Variants in UBN2 observed in about 807,000 individuals in gnomAD.
The protein encoded by UBN2 is ubinuclein 2.
In UBN2, 35 loss-of-function variants were observed where a neutral mutation model predicts 120.2. The ratio of observed to expected loss-of-function variants is 0.29; its 90% CI spans 0.22 to 0.39. UBN2 has a LOEUF of 0.39. UBN2 is among the 10% of genes least tolerant of loss of function. UBN2 has a pLI of 1.00. For synonymous variants in UBN2, 661 were observed against 648.7 expected (o/e 1.02, Z -0.29); for missense variants, 1,693 against 1,663.2 (o/e 1.02, Z -0.31).
At chr7:139,286,746 G>A (rs1437454315) in intron 15 of UBN2, among the ~76,000 whole-genome samples, 1 of 152,152 alleles carries the variant, frequency 6.6e-6, no homozygotes, top group Non-Finnish European at 1.5e-5. Context: ...GTCTAAGGAA[G>A]TGCTCTTTGT....
rs928613704 is a variant in UBN2 at position 139,300,093 on chromosome 7, GTCA to G, written c.*2262_*2264del. 1.3e-5 allele frequency: 2 copies of G among 152,092 alleles called. No individual in the cohort carries two copies. The highest frequency in any genetic ancestry group is 2.9e-5 in the Non-Finnish European group (2 of 68,004). The allele number at this position is 152,092 out of a possible 1,614,324, so 9.4% of individuals were successfully genotyped here. A position where few individuals can be genotyped will look rare whatever the true frequency, so the allele number is the denominator to read the frequency against. ...TGCCATATGAAGATCCCTGGTGACTGTCATCATTAGAAAAGAACAAGATAATCA... is the reference window on the plus strand; with the variant it reads ...TGCCATATGAAGATCCCTGGTGACTGTCATTAGAAAAGAACAAGATAATCA... On this transcript the variant is annotated 3_prime_UTR_variant, in exon 18 of 18. Transcript: ENST00000473989.
At chr7:139,314,173 G>A in the UBN2 span, among the ~76,000 whole-genome samples, 1 of 149,578 alleles carries the variant, frequency 6.7e-6, no homozygotes, top group African/African-American at 2.4e-5. Flanking sequence ...AAGTTTATTT[G>A]TGGCTGGGTG....
chr7:139,276,326 C>T (rs1797441462), intron 12 of UBN2, 179 bp downstream of exon 12: 1 of 627,196 alleles, frequency 1.6e-6, no homozygotes, highest in Non-Finnish European at 2.8e-6. Context: ...ACTCTCTAAA[C>T]ACCTACTAAA....
At chr7:139,285,970 A>C (rs1447919695) in intron 15 of UBN2, among the ~76,000 whole-genome samples, 1 of 152,126 alleles carries the variant, frequency 6.6e-6, no homozygotes, top group Non-Finnish European at 1.5e-5. Context: ...CTCTGTTGCC[A>C]GGCTGGAGTG....
At chr7:139,260,370 T>G (rs950397715) in intron 5 of UBN2, among the ~76,000 whole-genome samples, 1 of 152,218 alleles carries the variant, frequency 6.6e-6, no homozygotes, top group African/African-American at 2.4e-5. Flanking sequence ...AGTGCTGAGA[T>G]TACAGGCATG....
chr7:139,265,004 A>G (rs964121062), intron 6 of UBN2, among the ~76,000 whole-genome samples: 8 of 152,186 alleles, frequency 5.3e-5, no homozygotes, highest in African/African-American at 1.9e-4. Flanking sequence ...TTAAATATTT[A>G]TCTTTATACC....
chr7:139,277,397 A>C (rs776908460), intron 12 of UBN2: 2 of 152,248 alleles, frequency 1.3e-5, no homozygotes, highest in Non-Finnish European at 2.9e-5. Flanking sequence ...GATAACATAA[A>C]TAGTTCATGA....
chr7:139,248,168 CTAAG>C (rs1364829603), intron 2 of UBN2, among the ~76,000 whole-genome samples: 3 of 152,084 alleles, frequency 2.0e-5, no homozygotes, highest in Non-Finnish European at 4.4e-5. Context: ...ATTTTTGACT[CTAAG>C]TAATGGTTCG....
rs536094594 is a variant in UBN2 at position 139,240,978 on chromosome 7, G to A, written c.561+3881G>A. Among the ~76,000 whole-genome samples, 4 of 152,320 alleles carry A rather than the reference G, an allele frequency of 2.6e-5. No homozygotes were observed. In the South Asian group the frequency reaches 6.2e-4, roughly 24 times the overall value. On this transcript the variant is annotated intron_variant, in intron 2 of 17. Transcript: ENST00000473989. ...CGTCTTGATGGTTAGAAAGGAGGCA[G>A]GATACAGGTAAAAGAGGCTCCCATG... is the stretch of plus-strand genomic sequence containing the variant.
At position 139,283,689 on chromosome 7, in the gene UBN2, G is replaced by A; in HGVS notation, c.2784G>A (p.Lys928=). Reference sequence around the variant, plus strand: ...CTTCTTCGTTAACACAAGTAACAAAGGTGCACCAGCATTCAGCTGTCCAGC... The same window carrying A: ...CTTCTTCGTTAACACAAGTAACAAAAGTGCACCAGCATTCAGCTGTCCAGC... The part of the protein sequence containing the change: ...QDASSLTQVT[K]VHQHSAVQQN... Residue 928 remains lysine (K), a synonymous_variant, in exon 15 of 18, where the codon AAG becomes AAA. Transcript: ENST00000473989. The A allele has an allele frequency of 3.1e-6, 5 of 1,614,060 alleles. No homozygotes were observed. The highest frequency in any genetic ancestry group is 4.2e-6 in the Non-Finnish European group (5 of 1,180,032).
intron 6 of UBN2, among the ~76,000 whole-genome samples, chr7:139,262,732 C>T (rs932086691): frequency 3.3e-5 from 5 of 150,378 alleles, no homozygotes; most frequent in African/African-American, 1.2e-4. Flanking sequence ...AAAAAAAACC[C>T]AAATAAATAA....
downstream of UBN2, among the ~76,000 whole-genome samples, chr7:139,308,626 A>G (rs1798404366): frequency 1.3e-5 from 2 of 152,104 alleles, no homozygotes; most frequent in African/African-American, 2.4e-5. Flanking sequence ...GCATGTTTGG[A>G]CAAGTAGAGG....
intron 13 of UBN2, 74 bp downstream of exon 13, chr7:139,279,434 T>C: frequency 3.2e-6 from 4 of 1,234,196 alleles, no homozygotes; most frequent in Non-Finnish European, 4.7e-6. Context: ...ATGAAAAAGA[T>C]GTATGGTATT....
intron 6 of UBN2, 130 bp from the exon 7 acceptor site, chr7:139,266,203 G>A: frequency 1.9e-6 from 1 of 520,340 alleles, no homozygotes. Flanking sequence ...TACCAACCTG[G>A]GCAACATAGA....
At chr7:139,324,031 A>G in the UBN2 span, among the ~76,000 whole-genome samples, 1 of 152,000 alleles carries the variant, frequency 6.6e-6, no homozygotes, top group Non-Finnish European at 1.5e-5. Context: ...ACTCTGAAGT[A>G]CTGTGTGGTA....
At chr7:139,282,533 T>C (rs894886884) in intron 14 of UBN2, among the ~76,000 whole-genome samples, 1 of 152,204 alleles carries the variant, frequency 6.6e-6, no homozygotes, top group African/African-American at 2.4e-5. Context: ...AGTTTTTCTA[T>C]GTACTGGCTG....
At position 139,286,044 on chromosome 7, in the gene UBN2, C is replaced by G. The variant is rs1445847721; in HGVS notation, c.3669+1470C>G. ...CAGGTTCAAGCAGTTCTCCCTGCCT[C>G]AGCTTCCTGAATAGCTGGGATTACA... On this transcript the variant is annotated intron_variant, in intron 15 of 17. Coordinates refer to ENST00000473989, the MANE Select transcript of UBN2 (RefSeq NM_173569.4). 2.6e-5 allele frequency among the ~76,000 whole-genome samples: 4 copies of G among 152,220 alleles called. 1 individual carries two copies. Among genetic ancestry groups the G allele is most frequent in the Non-Finnish European group, 5.9e-5 (4 of 68,042 alleles).
chr7:139,310,797 A>T (rs903933064), downstream of UBN2, among the ~76,000 whole-genome samples: 1 of 152,198 alleles, frequency 6.6e-6, no homozygotes, highest in Non-Finnish European at 1.5e-5. Flanking sequence ...AAATAAACTT[A>T]GCATACGTAT....
chr7:139,312,438 G>A (rs912156357), downstream of UBN2, among the ~76,000 whole-genome samples: 7 of 152,176 alleles, frequency 4.6e-5, no homozygotes, highest in Admixed American at 6.5e-5. Flanking sequence ...TCCCCTCACA[G>A]TGGGTAACTA....
Sources: gnomAD v4.1 joint callset for allele counts (sites outside exome capture counted in the v4.1 genomes callset) on GRCh38, gnomAD v4.1.1 for gene constraint, MANE v1.5 for transcripts, NCBI Gene and HGNC (gene_info 2026-07-23, HGNC 2026-07-21) for gene names.